The following FRMPD4 variants were observed in gnomAD, a reference collection of about 807,000 sequenced individuals.
FRMPD4 encodes the protein FERM and PDZ domain-containing protein 4.
FRMPD4 carries 22 observed loss-of-function variants against 94.1 expected under a neutral mutation model. That is an observed-to-expected ratio of 0.23 (90% CI 0.17 to 0.33). The LOEUF (loss-of-function observed/expected upper bound fraction) is 0.33, where lower values mean the gene tolerates loss of function less well. Among genes scored for constraint, FRMPD4 ranks in the 10% least tolerant of loss-of-function variants. FRMPD4 has a pLI of 1.00. For synonymous variants in FRMPD4, 631 were observed against 548.6 expected (o/e 1.15, Z -2.10); for missense variants, 1,111 against 1,339.9 (o/e 0.83, Z 2.67).
At chrX:11,902,425 G>C (rs1161356898) in intron 3 of FRMPD4, among the ~76,000 whole-genome samples, 6 of 111,846 alleles carry the variant, frequency 5.4e-5, no homozygotes, top group Non-Finnish European at 7.5e-5. Context: ...GAGAGAGCTA[G>C]AGAGCAAGTG....
intron 2 of FRMPD4, among the ~76,000 whole-genome samples, chrX:12,580,650 G>A: frequency 9.0e-6 from 1 of 111,576 alleles, no homozygotes; most frequent in Non-Finnish European, 1.9e-5. Flanking sequence ...GATGAATTGA[G>A]GTGAGTGATA....
intron 3 of FRMPD4, among the ~76,000 whole-genome samples, chrX:11,995,203 G>T (rs891467461): frequency 9.0e-6 from 1 of 111,674 alleles, no homozygotes; most frequent in South Asian, 3.7e-4. Flanking sequence ...GAGTTTAAAA[G>T]AAACTTTCCA....
chrX:12,321,668 G>A lies in FRMPD4; in HGVS notation c.42-177012G>A. Reference sequence around the variant, plus strand: ...CTAACCTCATTGTAAGTCTAAGAGTGTCTGTACATTTATGTTAATTAAGAT... The same window carrying A: ...CTAACCTCATTGTAAGTCTAAGAGTATCTGTACATTTATGTTAATTAAGAT... On this transcript the variant is annotated intron_variant, in intron 1 of 16. Coordinates refer to ENST00000675598, the MANE Select transcript of FRMPD4 (RefSeq NM_001368397.1). Among the ~76,000 whole-genome samples, 3 of 111,924 alleles carry A rather than the reference G, an allele frequency of 2.7e-5. 1 individual carries two copies. The Admixed American group carries it at 2.8e-4, about 11-fold the overall frequency.
At chrX:12,165,194 A>C (rs1274995444) in intron 1 of FRMPD4, among the ~76,000 whole-genome samples, 25 of 112,355 alleles carry the variant, frequency 2.2e-4, no homozygotes, top group African/African-American at 7.4e-4. Context: ...TCTAACATGT[A>C]AGTCTTTAAT....
intron 1 of FRMPD4, among the ~76,000 whole-genome samples, chrX:11,823,761 AATT>A (rs762945743): frequency 1.2e-4 from 14 of 112,032 alleles, no homozygotes; most frequent in Non-Finnish European, 2.4e-4. Context: ...ACATGTCATG[AATT>A]ATTATTGTTC....
chrX:12,063,557 G>C (rs2054899271), intron 3 of FRMPD4, among the ~76,000 whole-genome samples: 1 of 112,399 alleles, frequency 8.9e-6, no homozygotes, highest in African/African-American at 3.2e-5. Context: ...TGATTGCATT[G>C]TTATTTAACA....
chrX:11,878,149 G>T (rs1438381141), intron 3 of FRMPD4, among the ~76,000 whole-genome samples: 2 of 112,215 alleles, frequency 1.8e-5, no homozygotes, highest in Admixed American at 1.9e-4. Flanking sequence ...ATACAAGAAC[G>T]ATGCCTTTGG....
chrX:12,085,804 G>A (rs979099611), intron 3 of FRMPD4, among the ~76,000 whole-genome samples: 1 of 111,546 alleles, frequency 9.0e-6, no homozygotes, highest in Non-Finnish European at 1.9e-5. Flanking sequence ...AAGAGGTTGA[G>A]GCTGTGGTGA....
intron 5 of FRMPD4, among the ~76,000 whole-genome samples, chrX:12,680,890 G>C (rs1017048332): frequency 9.1e-6 from 1 of 110,328 alleles, no homozygotes; most frequent in Non-Finnish European, 1.9e-5. Flanking sequence ...GTAAATATGG[G>C]GCTATTTACT....
intron 1 of FRMPD4, among the ~76,000 whole-genome samples, chrX:11,852,442 CAAAAAA>C (rs374590200): frequency 2.1e-4 from 11 of 52,638 alleles, no homozygotes; most frequent in African/African-American, 6.0e-4. Context: ...ACCCTGTCTC[CAAAAAA>C]AAAAAAAAAA....
chrX:11,863,503 T>C (rs1569113748), intron 1 of FRMPD4, among the ~76,000 whole-genome samples: 2 of 111,381 alleles, frequency 1.8e-5, no homozygotes, highest in African/African-American at 6.5e-5. Flanking sequence ...TATGGAGGTC[T>C]ACAGCACCCC....
chrX:12,652,456 C>T (rs1297256665), intron 4 of FRMPD4, among the ~76,000 whole-genome samples: 6 of 111,498 alleles, frequency 5.4e-5, no homozygotes, highest in Non-Finnish European at 7.5e-5. Context: ...CAACCATCAC[C>T]GTTATCTATT....
intron 5 of FRMPD4, among the ~76,000 whole-genome samples, chrX:12,679,192 G>A (rs947148426): frequency 1.9e-5 from 2 of 107,187 alleles, no homozygotes; most frequent in African/African-American, 7.2e-5. Flanking sequence ...CATGGAGCAG[G>A]CCACAAGTGC....
At chrX:12,054,218 G>A (rs949715669) in intron 3 of FRMPD4, among the ~76,000 whole-genome samples, 1 of 111,063 alleles carries the variant, frequency 9.0e-6, no homozygotes, top group East Asian at 2.8e-4. Context: ...AATTCTTTCA[G>A]CTTAAAATAT....
intron 2 of FRMPD4, among the ~76,000 whole-genome samples, chrX:12,503,967 T>C (rs933804007): frequency 8.9e-6 from 1 of 112,022 alleles, no homozygotes; most frequent in Non-Finnish European, 1.9e-5. Context: ...AGAGTTAAGG[T>C]GTAAAGTTGG....
At chrX:12,252,103 GC>G (rs2054048557) in intron 1 of FRMPD4, among the ~76,000 whole-genome samples, 12 of 112,113 alleles carry the variant, frequency 1.1e-4, no homozygotes, top group Non-Finnish European at 2.1e-4. Context: ...ACTCAAAAAG[GC>G]CTTGTGAGAT....
rs760280694 is a variant in FRMPD4, at chrX:12,706,816, C to T, written c.1198-10C>T. The T allele has an allele frequency of 9.5e-7, 1 of 1,057,317 alleles. No homozygotes were observed. 87.1% of individuals were successfully genotyped at this position (1,057,317 alleles called of 1,213,427 possible). A position where few individuals can be genotyped will look rare whatever the true frequency, so the allele number is the denominator to read the frequency against. ...AGAGTTAACACCTGAGGTTTCTTTT[C>T]TCTCCTCAGCTCTCTGCACTACAAG... On this transcript the variant is annotated splice_polypyrimidine_tract_variant and intron_variant, in intron 11 of 16. Transcript: ENST00000675598.
chrX:11,988,861 A>G (rs2054448529), intron 3 of FRMPD4, among the ~76,000 whole-genome samples: 1 of 112,119 alleles, frequency 8.9e-6, no homozygotes, highest in Admixed American at 9.4e-5. Context: ...AAGGTGCTCA[A>G]CATCATTGAA....
intron 3 of FRMPD4, among the ~76,000 whole-genome samples, chrX:11,925,939 C>G (rs1048795415): frequency 9.0e-6 from 1 of 110,907 alleles, no homozygotes; most frequent in African/African-American, 3.3e-5. Context: ...TTCACAAGAC[C>G]AACAAATCCA....
Sources: gnomAD v4.1 joint callset for allele counts (sites outside exome capture counted in the v4.1 genomes callset) on GRCh38, gnomAD v4.1.1 for gene constraint, MANE v1.5 for transcripts, NCBI Gene and HGNC (gene_info 2026-07-23, HGNC 2026-07-21) for gene names.